The following NAALADL2 variants were observed in gnomAD, a reference collection of about 807,000 sequenced individuals.
NAALADL2 encodes N-acetylated alpha-linked acidic dipeptidase like 2, also known as inactive N-acetylated-alpha-linked acidic dipeptidase-like protein 2.
Under a neutral mutation model 87.2 loss-of-function variants are expected in NAALADL2, and 76 were observed. The observed-to-expected ratio is 0.87, with a 90% CI of 0.72 to 1.05. The LOEUF is 1.05. Among genes scored for constraint, NAALADL2 ranks in the 50% least tolerant of loss-of-function variants. The pLI is 0.00. For missense variants in NAALADL2, 1,089 were observed against 945.8 expected (o/e 1.15, Z -1.99); for synonymous variants, 354 against 331.0 (o/e 1.07, Z -0.75).
intron 3 of NAALADL2, among the ~76,000 whole-genome samples, chr3:174,741,803 G>A (rs1169316618): frequency 6.6e-6 from 1 of 151,658 alleles, no homozygotes; most frequent in Non-Finnish European, 1.5e-5. Flanking sequence ...AAGTTTGACA[G>A]CAATTCATTT....
intron 9 of NAALADL2, among the ~76,000 whole-genome samples, chr3:175,531,533 G>A (rs1734086391): frequency 6.6e-6 from 1 of 152,208 alleles, no homozygotes; most frequent in South Asian, 2.1e-4. Context: ...TCTTGCAGAA[G>A]CAAAAACTGA....
At chr3:175,640,579 A>G (rs1411063909) in intron 11 of NAALADL2, among the ~76,000 whole-genome samples, 1 of 152,138 alleles carries the variant, frequency 6.6e-6, no homozygotes, top group East Asian at 1.9e-4. Context: ...ATTCCCAGGA[A>G]GCATCATTAT....
chr3:175,378,950 T>C (rs1767468757), intron 5 of NAALADL2, among the ~76,000 whole-genome samples: 1 of 152,304 alleles, frequency 6.6e-6, no homozygotes, highest in Admixed American at 6.5e-5. Flanking sequence ...TTTCAACATG[T>C]CCACATTATT....
intron 2 of NAALADL2, among the ~76,000 whole-genome samples, chr3:175,201,448 T>C (rs1021997690): frequency 1.3e-5 from 2 of 152,218 alleles, no homozygotes; most frequent in Non-Finnish European, 2.9e-5. Context: ...TTAAGATTAT[T>C]TTTTATTCTA....
At chr3:175,695,512 G>T (rs1737656286) in intron 11 of NAALADL2, among the ~76,000 whole-genome samples, 1 of 152,114 alleles carries the variant, frequency 6.6e-6, no homozygotes. Context: ...CTGGAAAAAT[G>T]TACTGCATTC....
chr3:174,856,091 CA>C (rs1176054597), upstream of NAALADL2, among the ~76,000 whole-genome samples: 4 of 151,734 alleles, frequency 2.6e-5, no homozygotes, highest in African/African-American at 9.7e-5. Flanking sequence ...ACTGCAGCCT[CA>C]AACTTCTGGA....
At chr3:174,762,781 A>G (rs1194394630) in intron 3 of NAALADL2, among the ~76,000 whole-genome samples, 1 of 152,200 alleles carries the variant, frequency 6.6e-6, no homozygotes, top group Non-Finnish European at 1.5e-5. Flanking sequence ...CTCATGAAAT[A>G]CCAAATAATA....
At chr3:175,161,309 A>G (rs924134886) in intron 2 of NAALADL2, among the ~76,000 whole-genome samples, 3 of 152,124 alleles carry the variant, frequency 2.0e-5, no homozygotes, top group Admixed American at 6.6e-5. Context: ...AGTCAATGTG[A>G]AGACTGCAAA....
intron 1 of NAALADL2, among the ~76,000 whole-genome samples, chr3:174,544,790 C>T (rs1190721076): frequency 5.9e-5 from 9 of 151,890 alleles, no homozygotes; most frequent in Non-Finnish European, 1.3e-4. Flanking sequence ...AGGAGAGTCT[C>T]GATCTCCTGA....
At chr3:174,589,809 T>G (rs1394985721) in intron 2 of NAALADL2, among the ~76,000 whole-genome samples, 1 of 151,854 alleles carries the variant, frequency 6.6e-6, no homozygotes, top group Non-Finnish European at 1.5e-5. Context: ...CTCAAGCCCA[T>G]GATGTTTTTT....
In NAALADL2 at chr3:174,570,178, G is replaced by C. The variant is rs13064971; in HGVS notation, c.-115+19541G>C. Among the ~76,000 whole-genome samples the C allele has an allele frequency of 4.6e-5, 7 of 151,670 alleles. No homozygotes were observed. In the East Asian group the frequency reaches 1.4e-3, roughly 29 times the overall value. ...TGAAAACAAGTTTTTTTGTATCTCT[G>C]TTCCAGTACATTTATTGATTTATTT... is the stretch of plus-strand genomic sequence containing the variant. On this transcript the variant is annotated intron_variant, in intron 2 of 3. Coordinates refer to the NAALADL2 transcript ENST00000434257.
rs541576203 is a variant in NAALADL2 at position 175,362,795 on chromosome 3, G to A, written c.1090+38470G>A. ...AGTGGTTGTACTAGTTTGCATTCCC[G>A]CCAGCAGTGTAGAACTGTTTCCTGT... On this transcript the variant is annotated intron_variant, in intron 5 of 13. Coordinates refer to ENST00000454872, the MANE Select transcript of NAALADL2 (RefSeq NM_207015.3). 7.4e-5 allele frequency among the ~76,000 whole-genome samples: 11 copies of A among 147,814 alleles called. No homozygotes were observed. The East Asian group carries it at 8.0e-4, about 11-fold the overall frequency.
chr3:175,464,571 A>C, intron 7 of NAALADL2, among the ~76,000 whole-genome samples: 1 of 152,122 alleles, frequency 6.6e-6, no homozygotes, highest in East Asian at 1.9e-4. Flanking sequence ...CACTCTTTTT[A>C]TTACACTTTT....
At chr3:174,821,617 T>C (rs1721430082) in intron 3 of NAALADL2, among the ~76,000 whole-genome samples, 1 of 152,110 alleles carries the variant, frequency 6.6e-6, no homozygotes, top group South Asian at 2.1e-4. Context: ...CTGGAGGAGA[T>C]TTGGGCAATT....
chr3:174,985,208 T>C (rs1319503154), intron 1 of NAALADL2, among the ~76,000 whole-genome samples: 1 of 152,154 alleles, frequency 6.6e-6, no homozygotes, highest in African/African-American at 2.4e-5. Flanking sequence ...GAGAATTAGA[T>C]GATGTGTTCA....
chr3:174,786,470 TA>T (rs1716680076), intron 3 of NAALADL2, among the ~76,000 whole-genome samples: 3 of 137,722 alleles, frequency 2.2e-5, no homozygotes, highest in Non-Finnish European at 3.2e-5. Context: ...AAAAAAATAA[TA>T]AATAAATGAA....
intron 5 of NAALADL2, among the ~76,000 whole-genome samples, chr3:175,405,901 A>G (rs928858240): frequency 2.0e-5 from 3 of 152,204 alleles, no homozygotes; most frequent in Non-Finnish European, 4.4e-5. Flanking sequence ...TCTTGATTCT[A>G]GAGATTACTT....
At chr3:175,111,342 C>G (rs1243244854) in intron 2 of NAALADL2, among the ~76,000 whole-genome samples, 1 of 151,620 alleles carries the variant, frequency 6.6e-6, no homozygotes, top group African/African-American at 2.4e-5. Context: ...AGAATCTGTA[C>G]TTAAGCTGTA....
intron 1 of NAALADL2, among the ~76,000 whole-genome samples, chr3:174,953,302 T>TCC (rs1740657483): frequency 9.8e-5 from 6 of 61,190 alleles, no homozygotes; most frequent in Non-Finnish European, 1.7e-4. Flanking sequence ...TTGCCTCCCC[T>TCC]CCCCTCCCCT....
Sources: gnomAD v4.1 joint callset for allele counts (sites outside exome capture counted in the v4.1 genomes callset) on GRCh38, gnomAD v4.1.1 for gene constraint, MANE v1.5 for transcripts, NCBI Gene and HGNC (gene_info 2026-07-23, HGNC 2026-07-21) for gene names.